Variants in GBA1 observed in about 807,000 individuals in gnomAD.
The protein encoded by GBA1 is lysosomal acid glucosylceramidase.
At chr1:155,236,180 T>G in the GBA1 span, 2 of 1,376,848 alleles carry the variant, frequency 1.5e-6, no homozygotes, top group Non-Finnish European at 2.1e-6. Flanking sequence ...CTTCTGTCAG[T>G]CTTTGGTGAA....
chr1:155,239,273 T>C, the GBA1 span, among the ~76,000 whole-genome samples: 1 of 151,662 alleles, frequency 6.6e-6, no homozygotes, highest in African/African-American at 2.4e-5. Flanking sequence ...CTCACACTTG[T>C]AATTCCAGCA....
At chr1:155,235,771 A>G in the GBA1 span, 2 of 1,614,194 alleles carry the variant, frequency 1.2e-6, no homozygotes, top group Non-Finnish European at 1.7e-6. Flanking sequence ...AAAGTTACGC[A>G]CCCAATTGGG....
chr1:155,240,650 T>C, the GBA1 span: 10 of 1,613,526 alleles, frequency 6.2e-6, no homozygotes, highest in Middle Eastern at 6.6e-4. Flanking sequence ...CGACACTGCC[T>C]GAAGTAGAAG....
chr1:155,244,540 G>A, the GBA1 span: 1 of 152,214 alleles, frequency 6.6e-6, no homozygotes, highest in Non-Finnish European at 1.5e-5. Context: ...CCAACCGGAG[G>A]CAAAACGAAA....
At chr1:155,237,280 G>A in the GBA1 span, 1 of 1,613,168 alleles carries the variant, frequency 6.2e-7, no homozygotes, top group Admixed American at 1.7e-5. Context: ...AAGTTTGGGA[G>A]CCAGTCATTT....
chr1:155,238,737 T>G, the GBA1 span: 1 of 1,607,080 alleles, frequency 6.2e-7, no homozygotes, highest in Non-Finnish European at 8.5e-7. Flanking sequence ...CCTAATAGTG[T>G]CTGAGTCAGG....
the GBA1 span, among the ~76,000 whole-genome samples, chr1:155,243,635 C>G: frequency 6.6e-6 from 1 of 152,138 alleles, no homozygotes; most frequent in African/African-American, 2.4e-5. Context: ...TGGCTAATTT[C>G]TGTATTTTTT....
the GBA1 span, among the ~76,000 whole-genome samples, chr1:155,239,331 A>G: frequency 1.3e-5 from 2 of 152,148 alleles, no homozygotes; most frequent in Non-Finnish European, 2.9e-5. Context: ...GGAGTTTAAG[A>G]CTAGCCTGGT....
At chr1:155,239,665 C>T in the GBA1 span, 2 of 1,614,174 alleles carry the variant, frequency 1.2e-6, no homozygotes, top group Non-Finnish European at 1.7e-6. Flanking sequence ...CAGGGGGTGA[C>T]AGGGCAAGGA....
At chr1:155,239,880 G>A in the GBA1 span, 1 of 1,614,056 alleles carries the variant, frequency 6.2e-7, no homozygotes, top group African/African-American at 1.3e-5. Flanking sequence ...GGGGTGTAAT[G>A]GTTACCTGTG....
At chr1:155,238,494 C>T in the GBA1 span, 1 of 1,601,944 alleles carries the variant, frequency 6.2e-7, no homozygotes, top group Non-Finnish European at 8.5e-7. Context: ...GCCCTCAGGG[C>T]CTGAAAAAGC....
chr1:155,240,729 A>G, the GBA1 span: 1 of 1,607,384 alleles, frequency 6.2e-7, no homozygotes, highest in East Asian at 2.2e-5. Flanking sequence ...TGAGGACAGA[A>G]TGAGGAATGA....
chr1:155,240,645 C>T, the GBA1 span: 16 of 1,613,484 alleles, frequency 9.9e-6, no homozygotes, highest in Non-Finnish European at 1.4e-5. Flanking sequence ...GCCCACGACA[C>T]TGCCTGAAGT....
chr1:155,239,015 G>A, the GBA1 span: 12 of 340,396 alleles, frequency 3.5e-5, no homozygotes, highest in African/African-American at 1.5e-4. Context: ...TCAGGAGTTC[G>A]CAATCATCCT....
the GBA1 span, chr1:155,239,830 C>T: frequency 6.2e-7 from 1 of 1,613,944 alleles, no homozygotes; most frequent in Non-Finnish European, 8.5e-7. Context: ...TCACTGACAC[C>T]ATTTACCTCT....
the GBA1 span, chr1:155,239,871 G>A: frequency 6.2e-7 from 1 of 1,613,958 alleles, no homozygotes; most frequent in African/African-American, 1.3e-5. Context: ...AGGGGGTGAG[G>A]GGTGTAATGG....
chr1:155,237,072 C>G, the GBA1 span, among the ~76,000 whole-genome samples: 10 of 151,882 alleles, frequency 6.6e-5, no homozygotes, highest in Non-Finnish European at 1.2e-4. Context: ...GGTTTCAACA[C>G]GTTGGCCAGG....
At chr1:155,238,927 A>G in the GBA1 span, 29 of 450,150 alleles carry the variant, frequency 6.4e-5, no homozygotes, top group Non-Finnish European at 1.1e-4. Context: ...GGGTCCAAAG[A>G]AAGGGCAAAG....
chr1:155,240,422 C>T, the GBA1 span: 2 of 627,752 alleles, frequency 3.2e-6, no homozygotes, highest in Non-Finnish European at 5.7e-6. Flanking sequence ...CAAAATTGCA[C>T]CACTGCACTC....
Sources: allele counts gnomAD v4.1 joint callset (sites outside exome capture counted in the v4.1 genomes callset), GRCh38; gene constraint gnomAD v4.1.1; transcripts MANE v1.5; gene names NCBI Gene and HGNC (gene_info 2026-07-23, HGNC 2026-07-21).